Variants in SEMA5A observed in about 807,000 individuals in gnomAD.
SEMA5A encodes the protein semaphorin 5A, also known as semaphorin-5A.
SEMA5A carries 55 observed loss-of-function variants against 135.5 expected under a neutral mutation model. The observed-to-expected ratio is 0.41, with a 90% CI of 0.33 to 0.51. The LOEUF is 0.51. Ranked by LOEUF, SEMA5A falls within the 20% of genes least tolerant of loss-of-function variation. The probability of loss-of-function intolerance (pLI) is 0.37; values close to 1 mark genes in which losing one functional copy is unlikely to be tolerated. For synonymous variants in SEMA5A, 580 were observed against 546.5 expected, an observed-to-expected ratio of 1.06 and a Z score of -0.85; for missense variants, 1,290 against 1,419.9, an observed-to-expected ratio of 0.91 and a Z score of 1.47.
intron 5 of SEMA5A, among the ~76,000 whole-genome samples, chr5:9,299,710 C>T (rs904951795): frequency 6.6e-6 from 1 of 152,128 alleles, no homozygotes; most frequent in Non-Finnish European, 1.5e-5. Flanking sequence ...GGGAAGGAGG[C>T]CATAAATGTT....
At chr5:9,064,411 A>C (rs77309197) in intron 17 of SEMA5A, among the ~76,000 whole-genome samples, 7 of 152,214 alleles carry the variant, frequency 4.6e-5, no homozygotes, top group African/African-American at 1.4e-4. Context: ...CATTGATGAT[A>C]GACTGGATAA....
At chr5:9,475,724 T>C (rs1759644507) in intron 1 of SEMA5A, among the ~76,000 whole-genome samples, 1 of 152,186 alleles carries the variant, frequency 6.6e-6, no homozygotes, top group South Asian at 2.1e-4. Flanking sequence ...TGGAAGCTAC[T>C]CTATAGCAGG....
intron 1 of SEMA5A, among the ~76,000 whole-genome samples, chr5:9,479,604 C>T (rs749120373): frequency 6.6e-6 from 1 of 152,112 alleles, no homozygotes; most frequent in Non-Finnish European, 1.5e-5. Flanking sequence ...TTAATACAAT[C>T]CAGAAACGGA....
At chr5:9,284,630 C>T (rs909549623) in intron 5 of SEMA5A, among the ~76,000 whole-genome samples, 1 of 151,842 alleles carries the variant, frequency 6.6e-6, no homozygotes, top group African/African-American at 2.4e-5. Flanking sequence ...TATTTGCTAA[C>T]TCAGTAATTC....
intron 1 of SEMA5A, chr5:9,517,845 G>T (rs893070120): frequency 6.6e-6 from 1 of 152,084 alleles, no homozygotes; most frequent in Non-Finnish European, 1.5e-5. Context: ...TCAATTTCTA[G>T]ACTTAGAAAG....
chr5:9,190,871 A>T (rs1745072734), intron 10 of SEMA5A, among the ~76,000 whole-genome samples: 1 of 152,220 alleles, frequency 6.6e-6, no homozygotes, highest in Non-Finnish European at 1.5e-5. Context: ...GCAACAATCA[A>T]GGATCTCATA....
At chr5:9,049,897 G>A (rs551657847) in intron 21 of SEMA5A, among the ~76,000 whole-genome samples, 122 of 152,332 alleles carry the variant, frequency 8.0e-4, no homozygotes, top group Non-Finnish European at 1.3e-3. Flanking sequence ...AGCACTATAG[G>A]TATAACCTTA....
intron 5 of SEMA5A, among the ~76,000 whole-genome samples, chr5:9,289,378 T>C (rs558739335): frequency 1.3e-5 from 2 of 152,326 alleles, no homozygotes; most frequent in East Asian, 3.9e-4. Context: ...GTTTAAAAAC[T>C]TCTATAACTG....
At chr5:9,452,829 C>T (rs950261462) in intron 1 of SEMA5A, among the ~76,000 whole-genome samples, 7 of 152,092 alleles carry the variant, frequency 4.6e-5, no homozygotes, top group Admixed American at 2.0e-4. Flanking sequence ...TGAAGCCCAA[C>T]GACAATAATG....
intron 5 of SEMA5A, among the ~76,000 whole-genome samples, chr5:9,311,746 TAATAA>T (rs532087075): frequency 1.7e-4 from 26 of 152,120 alleles, no homozygotes; most frequent in African/African-American, 5.3e-4. Context: ...AGTATAATGA[TAATAA>T]AATAAAATAA....
At chr5:9,237,765 C>T (rs1484663322) in intron 6 of SEMA5A, 63 bp downstream of exon 6, 3 of 1,459,868 alleles carry the variant, frequency 2.1e-6, no homozygotes, top group Non-Finnish European at 1.9e-6. Context: ...TATCAACATG[C>T]TTTATATAGT....
rs1755767453 is a variant in SEMA5A at position 9,384,599 on chromosome 5, G to GATAGATAC, written c.-77-4577_-77-4576insGTATCTAT. ...AGATAGATAGATAGATAGATAGATA[G>GATAGATAC]ATAGATAGATAGATAGATACATAGA... On this transcript the variant is annotated intron_variant, in intron 2 of 22. Transcript: ENST00000382496. Among the ~76,000 whole-genome samples the GATAGATAC allele has an allele frequency of 8.0e-5, 9 of 112,846 alleles. 1 individual carries two copies. Among genetic ancestry groups the GATAGATAC allele is most frequent in the South Asian group, 2.8e-4 (1 of 3,610 alleles). 74.0% of individuals were successfully genotyped at this position (112,846 alleles called of 152,430 possible).
intron 2 of SEMA5A, among the ~76,000 whole-genome samples, chr5:9,436,376 C>T (rs764986862): frequency 2.6e-5 from 4 of 152,160 alleles, no homozygotes; most frequent in Admixed American, 6.5e-5. Context: ...CCTGAATCTA[C>T]GTGGGCTGGA....
Position 9,410,683 on chromosome 5 carries a change from C to T in SEMA5A, c.-78+27073G>A, listed in dbSNP as rs80352815. Among the ~76,000 whole-genome samples, 626 of 152,070 alleles carry T rather than the reference C, an allele frequency of 4.1e-3. 5 individuals are homozygous for T. Among genetic ancestry groups the T allele is most frequent in the African/African-American group, 0.014 (581 of 41,472 alleles). ...TTGAGAACACGTGGACACAGAGAGG[C>T]GAGCATCACACACCTGGGCCTTTTA... On this transcript the variant is annotated intron_variant, in intron 2 of 22. Coordinates refer to ENST00000382496, the MANE Select transcript of SEMA5A (RefSeq NM_003966.3).
At chr5:9,149,059 G>T (rs755237201) in intron 12 of SEMA5A, among the ~76,000 whole-genome samples, 1 of 152,186 alleles carries the variant, frequency 6.6e-6, no homozygotes, top group African/African-American at 2.4e-5. Flanking sequence ...GACAAGGGAT[G>T]TGGTGAGTAG....
chr5:9,307,536 G>C (rs772457247), intron 5 of SEMA5A, among the ~76,000 whole-genome samples: 1 of 146,870 alleles, frequency 6.8e-6, no homozygotes. Context: ...TTTTCACTTT[G>C]TTCTTAGGTA....
In SEMA5A at chr5:9,040,786, A is replaced by G. The variant is rs1402905794; in HGVS notation, c.*2111T>C. 6.6e-6 allele frequency: 1 copy of G among 152,258 alleles called. No individual in the cohort carries two copies. Among genetic ancestry groups the G allele is most frequent in the African/African-American group, 2.4e-5 (1 of 41,472 alleles). 9.4% of individuals were successfully genotyped at this position (152,258 alleles called of 1,614,324 possible). On this transcript the variant is annotated 3_prime_UTR_variant, in exon 23 of 23. Transcript: ENST00000382496. ...AATTCCAGTGAAACATTCTTGAAAT[A>G]TTAGAATCCTCTTTACCAGGGAAAA...
rs148846131 is a variant in SEMA5A, at chr5:9,347,798, A to G, written c.125-9986T>C. On this transcript the variant is annotated intron_variant, in intron 3 of 22. Coordinates refer to ENST00000382496, the MANE Select transcript of SEMA5A (RefSeq NM_003966.3). Reference sequence around the variant, plus strand: ...TCCAGACCTACCGTTTCTCTAAGCTAGATCGTCGTCACAAGATAATACTGA... The same window carrying G: ...TCCAGACCTACCGTTTCTCTAAGCTGGATCGTCGTCACAAGATAATACTGA... Among the ~76,000 whole-genome samples the G allele has an allele frequency of 2.1e-3, 322 of 152,312 alleles. 2 individuals are homozygous for G. The highest frequency in any genetic ancestry group is 7.1e-3 in the African/African-American group (296 of 41,576).
intron 19 of SEMA5A, 37 bp from the exon 20 acceptor site, chr5:9,052,065 G>T (rs1445334359): frequency 6.6e-7 from 1 of 1,526,176 alleles, no homozygotes; most frequent in Non-Finnish European, 8.8e-7. Flanking sequence ...GGGCGGAATG[G>T]CCAGTAAGCT....
Sources: gnomAD v4.1 joint callset for allele counts (sites outside exome capture counted in the v4.1 genomes callset) on GRCh38, gnomAD v4.1.1 for gene constraint, MANE v1.5 for transcripts, NCBI Gene and HGNC (gene_info 2026-07-23, HGNC 2026-07-21) for gene names.